The following SEPTIN9 variants were observed in gnomAD, a reference collection of about 807,000 sequenced individuals.
The protein encoded by SEPTIN9 is septin-9.
In SEPTIN9, 13 loss-of-function variants were observed where a neutral mutation model predicts 56.6. The observed-to-expected ratio is 0.23, with a 90% CI of 0.15 to 0.37. The LOEUF is 0.37. Ranked by LOEUF, SEPTIN9 falls within the 10% of genes least tolerant of loss-of-function variation. The pLI is 1.00. For synonymous variants in SEPTIN9, 332 were observed against 334.1 expected (o/e 0.99, Z 0.07); for missense variants, 650 against 823.1 (o/e 0.79, Z 2.57).
Position 77,428,038 on chromosome 17 carries a change from A to G in SEPTIN9, c.721+25335A>G, listed in dbSNP as rs544510520. 6.9e-4 allele frequency among the ~76,000 whole-genome samples: 105 copies of G among 152,344 alleles called. 1 individual carries two copies. Among genetic ancestry groups the G allele is most frequent in the African/African-American group, 2.4e-3 (99 of 41,578 alleles). On this transcript the variant is annotated intron_variant, in intron 3 of 11. Transcript: ENST00000427177. ...ACGTAACTAGCCTTTGCAGCATGCC[A>G]GCCACCAAGCTCAGGGCCCTCTGTG...
intron 3 of SEPTIN9, among the ~76,000 whole-genome samples, chr17:77,427,805 G>A (rs966742441): frequency 6.6e-6 from 1 of 152,188 alleles, no homozygotes; most frequent in South Asian, 2.1e-4. Flanking sequence ...AGACCAGGCC[G>A]GCAGGGGAGC....
chr17:77,459,925 C>G (rs1328147631), intron 3 of SEPTIN9, among the ~76,000 whole-genome samples: 1 of 152,162 alleles, frequency 6.6e-6, no homozygotes, highest in Non-Finnish European at 1.5e-5. Context: ...ATCCACCCAC[C>G]TTGGCCTCCC....
chr17:77,492,757 A>G lies in SEPTIN9; in HGVS notation c.1476+41A>G. On this transcript the variant is annotated intron_variant, in intron 9 of 11. Transcript: ENST00000427177. The surrounding 1 kb of genome is among the most constrained non-coding windows in gnomAD (Gnocchi z 5.4). ...AGGATGTTGTTCCCAGGGGACCCCC[A>G]GTTCCTGCTGAAGGGTGGGTTGGGG... The G allele has an allele frequency of 1.3e-6, 2 of 1,566,062 alleles. No homozygotes were observed. Among genetic ancestry groups the G allele is most frequent in the South Asian group, 2.2e-5 (2 of 90,078 alleles).
At position 77,487,634 on chromosome 17, in the gene SEPTIN9, C is replaced by T. The variant is rs1429195717; in HGVS notation, c.1042+82C>T. 7.9e-6 allele frequency: 9 copies of T among 1,132,224 alleles called. 1 individual carries two copies. In the Admixed American group the frequency reaches 1.8e-4, roughly 23 times the overall value. The allele number at this position is 1,132,224 out of a possible 1,614,324, so 70.1% of individuals were successfully genotyped here. A position where few individuals can be genotyped will look rare whatever the true frequency, so the allele number is the denominator to read the frequency against. On this transcript the variant is annotated intron_variant, in intron 5 of 11. Coordinates refer to ENST00000427177, the MANE Select transcript of SEPTIN9 (RefSeq NM_001113491.2). The surrounding 1 kb of genome is among the most constrained non-coding windows in gnomAD (Gnocchi z 4.3). The stretch of plus-strand genomic sequence containing the variant: ...GGGGTTGGGGGTCAAGACCATCACA[C>T]ACAGTCAGTGGCCAGGGGCGGGCTG...
chr17:77,485,145 T>TGGGTGGTGGTGGTGATG (rs1331307853), intron 4 of SEPTIN9, among the ~76,000 whole-genome samples: 6 of 108,268 alleles, frequency 5.5e-5, no homozygotes, highest in South Asian at 3.5e-4. Context: ...TGGTGGTGAT[T>TGGGTGGTGGTGGTGATG]GTGATGGGGG....
intron 1 of SEPTIN9, among the ~76,000 whole-genome samples, chr17:77,300,629 G>A (rs72880524): frequency 0.1 from 15,662 of 152,010 alleles, 1,080 homozygotes; most frequent in Non-Finnish European, 0.16. Flanking sequence ...GCCCTTCACA[G>A]CTCCTGTGAG....
At chr17:77,366,733 T>C (rs1193641417) in intron 2 of SEPTIN9, among the ~76,000 whole-genome samples, 1 of 152,094 alleles carries the variant, frequency 6.6e-6, no homozygotes, top group Non-Finnish European at 1.5e-5. Flanking sequence ...TCCCTGGTGG[T>C]ATCATCAGAG....
rs114376629 is a variant in SEPTIN9, at chr17:77,451,277, G to A, written c.722-30867G>A. 1,278 of 783,654 alleles carry A rather than the reference G, an allele frequency of 1.6e-3. 11 individuals are homozygous for A. In the African/African-American group the frequency reaches 0.021, roughly 13 times the overall value. 48.5% of individuals were successfully genotyped at this position (783,654 alleles called of 1,614,324 possible). On this transcript the variant is annotated intron_variant, in intron 3 of 11. Transcript: ENST00000427177. The surrounding 1 kb of genome is among the most constrained non-coding windows in gnomAD (Gnocchi z 4.2). The stretch of plus-strand genomic sequence containing the variant: ...AGGTTGCTTCTGCGCCGGGCCTGCC[G>A]CTGGGCGCCCCTATCTCTGCCTGCC...
At chr17:77,291,689 G>T (rs2031564780) in intron 1 of SEPTIN9, among the ~76,000 whole-genome samples, 1 of 151,992 alleles carries the variant, frequency 6.6e-6, no homozygotes, top group African/African-American at 2.4e-5. Context: ...TGTTGCCTAG[G>T]CTGGTACTGA....
In SEPTIN9 at chr17:77,402,301, C is replaced by T. The variant is rs758280589; in HGVS notation, c.319C>T (p.Arg107Cys). 4.3e-6 allele frequency: 7 copies of T among 1,612,586 alleles called. No individual in the cohort carries two copies. In the South Asian group the frequency reaches 4.4e-5, roughly 10 times the overall value. ...GPKAAEPVSR[R>C]TELSIDISSK... Reference sequence around the variant, plus strand: ...CAAGGCGGCCGAGCCGGTGTCCCGGCGCACTGAGCTGTCCATTGACATCTC... The same window carrying T: ...CAAGGCGGCCGAGCCGGTGTCCCGGTGCACTGAGCTGTCCATTGACATCTC... Residue 107 changes from arginine (R) to cysteine (C), a missense_variant, in exon 3 of 12, where the codon CGC becomes TGC. Physicochemically the swap from Arg to Cys is radical, Grantham distance 180. Coordinates refer to ENST00000427177, the MANE Select transcript of SEPTIN9 (RefSeq NM_001113491.2). The surrounding 1 kb of genome is among the most constrained non-coding windows in gnomAD (Gnocchi z 6.6).
At chr17:77,478,489 C>T (rs393260) in intron 3 of SEPTIN9, among the ~76,000 whole-genome samples, 18,015 of 152,140 alleles carry the variant, frequency 0.12, 3,438 homozygotes, top group African/African-American at 0.4. Flanking sequence ...CCCGAATGCC[C>T]GCGGTCAAAT....
chr17:77,489,657 T>G (rs904610034), intron 7 of SEPTIN9, among the ~76,000 whole-genome samples: 1 of 152,144 alleles, frequency 6.6e-6, no homozygotes, highest in Non-Finnish European at 1.5e-5. Context: ...CCCAGGGGTT[T>G]GGGGAAACCA....
At chr17:77,493,291 C>G (rs975404423) in intron 10 of SEPTIN9, 5 of 568,638 alleles carry the variant, frequency 8.8e-6, no homozygotes, top group Admixed American at 3.0e-5. Flanking sequence ...GACCTCCCCC[C>G]GGGCAGGGAA....
chr17:77,348,339 C>T (rs1430176649), intron 2 of SEPTIN9, among the ~76,000 whole-genome samples: 2 of 124,934 alleles, frequency 1.6e-5, no homozygotes, highest in East Asian at 5.2e-4. Flanking sequence ...CACTCTGTTG[C>T]CCAGGCTGGA....
chr17:77,297,486 C>T (rs559493488), intron 1 of SEPTIN9, among the ~76,000 whole-genome samples: 1 of 152,328 alleles, frequency 6.6e-6, no homozygotes, highest in South Asian at 2.1e-4. Flanking sequence ...GCGTTACCAG[C>T]CATCCCTTAA....
intron 2 of SEPTIN9, chr17:77,373,306 G>C (rs1327038725): frequency 1.7e-6 from 2 of 1,160,354 alleles, no homozygotes; most frequent in Non-Finnish European, 2.1e-6. Context: ...CGCAGCGCGC[G>C]GGGAGGGGCC....
chr17:77,485,887 G>A (rs1459536116), intron 4 of SEPTIN9, among the ~76,000 whole-genome samples: 1 of 152,090 alleles, frequency 6.6e-6, no homozygotes, highest in Non-Finnish European at 1.5e-5. Flanking sequence ...TGCCCAGGCT[G>A]GAGTGCAGTG....
chr17:77,380,366 G>A (rs1027198641), intron 2 of SEPTIN9: 3 of 130,706 alleles, frequency 2.3e-5, no homozygotes, highest in African/African-American at 9.3e-5. Flanking sequence ...GACTCTACTG[G>A]GCTTCTCGTA....
chr17:77,498,980 G>A lies in SEPTIN9; in HGVS notation c.*322G>A, dbSNP rs1044468155. The A allele has an allele frequency of 5.3e-5, 29 of 544,824 alleles. No individual in the cohort carries two copies. The highest frequency in any genetic ancestry group is 1.2e-4 in the South Asian group (8 of 65,314). The allele number at this position is 544,824 out of a possible 1,614,324, so 33.7% of individuals were successfully genotyped here. On this transcript the variant is annotated 3_prime_UTR_variant, in exon 12 of 12. Transcript: ENST00000427177. ...AGCAGCTTCGGTGTGCAGATCATCCGTCTGTGTGGGGTTCTCAGTGCCGGA... is the reference window on the plus strand; with the variant it reads ...AGCAGCTTCGGTGTGCAGATCATCCATCTGTGTGGGGTTCTCAGTGCCGGA...
Sources: gnomAD v4.1 joint callset for allele counts (sites outside exome capture counted in the v4.1 genomes callset) on GRCh38, gnomAD v4.1.1 for gene constraint, Gnocchi (gnomAD v3.1) non-coding constraint, MANE v1.5 for transcripts, NCBI Gene and HGNC (gene_info 2026-07-23, HGNC 2026-07-21) for gene names.